THSD4: variants seen among roughly 807,000 people sequenced by gnomAD.
THSD4 encodes the protein thrombospondin type 1 domain containing 4, also known as thrombospondin type-1 domain-containing protein 4.
Under a neutral mutation model 119.0 loss-of-function variants are expected in THSD4, and 69 were observed. The observed-to-expected ratio is 0.58, with a 90% CI of 0.48 to 0.71. The LOEUF is 0.71. Ranked by LOEUF, THSD4 falls within the 30% of genes least tolerant of loss-of-function variation. The pLI is 0.00. For synonymous variants in THSD4, 524 were observed against 540.4 expected, an observed-to-expected ratio of 0.97 and a Z score of 0.42; for missense variants, 1,393 against 1,391.1, an observed-to-expected ratio of 1.00 and a Z score of -0.02.
chr15:71,579,943 C>T (rs1024093717), intron 7 of THSD4, among the ~76,000 whole-genome samples: 4 of 151,768 alleles, frequency 2.6e-5, no homozygotes, highest in South Asian at 2.1e-4. Flanking sequence ...CATCGAATGA[C>T]GAATTTGTCA....
At position 71,407,035 on chromosome 15, in the gene THSD4, T is replaced by C. The variant is rs573463571; in HGVS notation, c.1016-4652T>C. ...GGGCTTGGTTGTTATGTCTTCCTGATGGATTGACTCTTTTATTATTATAAA... is the reference window on the plus strand; with the variant it reads ...GGGCTTGGTTGTTATGTCTTCCTGACGGATTGACTCTTTTATTATTATAAA... On this transcript the variant is annotated intron_variant, in intron 6 of 17. Coordinates refer to ENST00000261862, the MANE Select transcript of THSD4 (RefSeq NM_024817.3). 1.5e-4 allele frequency among the ~76,000 whole-genome samples: 23 copies of C among 152,280 alleles called. No homozygotes were observed. The South Asian group carries it at 4.8e-3, about 32-fold the overall frequency.
chr15:71,438,715 T>C (rs1172605501), intron 7 of THSD4, among the ~76,000 whole-genome samples: 1 of 152,216 alleles, frequency 6.6e-6, no homozygotes, highest in African/African-American at 2.4e-5. Flanking sequence ...CTCTGTCTTT[T>C]CATATACAAA....
rs558395437 is a variant in THSD4, at chr15:71,432,440, G to C, written c.1152+20617G>C. ...AAGCTAAAACCTTTACTCTTTGATA[G>C]ACGGGAGACTCAGTTTTCCAAATAA... is the stretch of plus-strand genomic sequence containing the variant. On this transcript the variant is annotated intron_variant, in intron 7 of 17. Coordinates refer to ENST00000261862, the MANE Select transcript of THSD4 (RefSeq NM_024817.3). Among the ~76,000 whole-genome samples, 62 of 151,592 alleles carry C rather than the reference G, an allele frequency of 4.1e-4. 1 individual carries two copies. The highest frequency in any genetic ancestry group is 1.5e-3 in the African/African-American group (60 of 41,348).
intron 4 of THSD4, 36 bp downstream of exon 4, chr15:71,215,435 C>T: frequency 6.7e-7 from 1 of 1,482,180 alleles, no homozygotes; most frequent in Non-Finnish European, 8.9e-7. Flanking sequence ...GCTCCCCGTC[C>T]CTGTCCCAGT....
Position 71,130,208 on chromosome 15 carries a change from CAG to C in THSD4, c.-79-11238_-79-11237del, listed in dbSNP as rs1464755774. ...ACAGTTTATTTTTATTTTTTTGAGA[CAG>C]AGTCTTTCTCTGTTGACCAGGCTCG... On this transcript the variant is annotated intron_variant, in intron 1 of 17. Coordinates refer to ENST00000261862, the MANE Select transcript of THSD4 (RefSeq NM_024817.3). Among the ~76,000 whole-genome samples the C allele has an allele frequency of 2.6e-5, 4 of 152,084 alleles. No individual in the cohort carries two copies. The East Asian group carries it at 5.8e-4, about 22-fold the overall frequency.
intron 6 of THSD4, among the ~76,000 whole-genome samples, chr15:71,287,627 A>C (rs576442343): frequency 2.8e-4 from 43 of 152,336 alleles, no homozygotes; most frequent in Non-Finnish European, 5.9e-4. Flanking sequence ...GAAACTTTAA[A>C]AATAGCCTTT....
intron 1 of THSD4, 92 bp from the exon 2 acceptor site, chr15:71,141,357 C>T: frequency 1.6e-6 from 1 of 642,930 alleles, no homozygotes; most frequent in South Asian, 2.4e-5. Context: ...TAGTATCTTC[C>T]ATTTGCTCAT....
chr15:71,425,908 A>G (rs2046860648), intron 7 of THSD4, among the ~76,000 whole-genome samples: 1 of 151,978 alleles, frequency 6.6e-6, no homozygotes, highest in Non-Finnish European at 1.5e-5. Context: ...GTCAGGGAGA[A>G]TTCTTGGCAC....
chr15:71,327,242 T>C (rs2045358481), intron 6 of THSD4, among the ~76,000 whole-genome samples: 3 of 152,158 alleles, frequency 2.0e-5, no homozygotes, highest in Admixed American at 2.0e-4. Flanking sequence ...TTGTTCATGG[T>C]GGCCTTTTCT....
intron 3 of THSD4, among the ~76,000 whole-genome samples, chr15:71,205,526 A>T (rs1219683637): frequency 6.6e-6 from 1 of 151,586 alleles, no homozygotes; most frequent in African/African-American, 2.4e-5. Context: ...GCCTCTACCC[A>T]CTCCTCCTTT....
At chr15:71,755,706 C>CAAAAAAAAAAAAAAA (rs10555546) in intron 14 of THSD4, among the ~76,000 whole-genome samples, 1 of 50,280 alleles carries the variant, frequency 2.0e-5, no homozygotes, top group East Asian at 7.8e-4. Flanking sequence ...TCAGCAAAGA[C>CAAAAAAAAAAAAAAA]AAAAAAAAAA....
rs137930305 is a variant in THSD4 at position 71,735,402 on chromosome 15, C to G, written c.1631-2330C>G. Among the ~76,000 whole-genome samples, 184 of 152,232 alleles carry G rather than the reference C, an allele frequency of 1.2e-3. 1 individual carries two copies. Among genetic ancestry groups the G allele is most frequent in the African/African-American group, 4.1e-3 (169 of 41,534 alleles). On this transcript the variant is annotated intron_variant, in intron 10 of 17. Coordinates refer to ENST00000261862, the MANE Select transcript of THSD4 (RefSeq NM_024817.3). ...CATGGCACTCAGGAAACCCAAGACT[C>G]CAGACTCCTACCTCTCCTCCATCTT...
intron 6 of THSD4, among the ~76,000 whole-genome samples, chr15:71,367,291 CTTTT>C (rs571372999): frequency 2.0e-5 from 3 of 151,334 alleles, no homozygotes; most frequent in African/African-American, 7.3e-5. Context: ...CTATGCCATT[CTTTT>C]TTTTATTATT....
At chr15:71,127,604 A>AATC (rs1289074195) in intron 1 of THSD4, among the ~76,000 whole-genome samples, 2 of 152,210 alleles carry the variant, frequency 1.3e-5, no homozygotes, top group Non-Finnish European at 1.5e-5. Flanking sequence ...GATAATAGCC[A>AATC]TTCTGACAGG....
chr15:71,245,717 C>T (rs1395999352), intron 5 of THSD4, among the ~76,000 whole-genome samples: 1 of 152,168 alleles, frequency 6.6e-6, no homozygotes, highest in African/African-American at 2.4e-5. Flanking sequence ...CATAGGCACC[C>T]TCTGCCTGCC....
chr15:71,547,451 A>T (rs982357795), intron 7 of THSD4: 6 of 1,550,548 alleles, frequency 3.9e-6, no homozygotes, highest in Non-Finnish European at 4.4e-6. Flanking sequence ...TCCACGTTCA[A>T]ACAGCAGTGT....
chr15:71,262,504 TG>T (rs1303727500), intron 6 of THSD4, among the ~76,000 whole-genome samples: 1 of 152,108 alleles, frequency 6.6e-6, no homozygotes, highest in African/African-American at 2.4e-5. Flanking sequence ...CCAAGGGTAA[TG>T]GGGCTGCAGC....
At chr15:71,391,948 G>A (rs2140470018) in intron 6 of THSD4, among the ~76,000 whole-genome samples, 1 of 152,272 alleles carries the variant, frequency 6.6e-6, no homozygotes, top group Non-Finnish European at 1.5e-5. Context: ...TTTGGCTACT[G>A]AGCAGCTGGA....
intron 3 of THSD4, among the ~76,000 whole-genome samples, chr15:71,162,162 C>T (rs534384328): frequency 3.4e-4 from 51 of 152,088 alleles, no homozygotes; most frequent in African/African-American, 1.2e-3. Context: ...GAAAGATTTA[C>T]ATAACACCAT....
Sources: gnomAD v4.1 joint callset for allele counts (sites outside exome capture counted in the v4.1 genomes callset) on GRCh38, gnomAD v4.1.1 for gene constraint, MANE v1.5 for transcripts, NCBI Gene and HGNC (gene_info 2026-07-23, HGNC 2026-07-21) for gene names.